APLF: variants seen among roughly 807,000 people sequenced by gnomAD.
APLF encodes aprataxin and PNK-like factor.
APLF carries 61 observed loss-of-function variants against 55.6 expected under a neutral mutation model. The ratio of observed to expected loss-of-function variants is 1.10; its 90% CI spans 0.89 to 1.36. The LOEUF (loss-of-function observed/expected upper bound fraction) is 1.36, where lower values mean the gene tolerates loss of function less well. Among genes scored for constraint, APLF ranks in the 40% most tolerant of loss-of-function variants. The probability of loss-of-function intolerance (pLI) is 0.00; values close to 1 mark genes in which losing one functional copy is unlikely to be tolerated. For missense variants in APLF, 611 were observed against 602.5 expected, an observed-to-expected ratio of 1.01 and a Z score of -0.15; for synonymous variants, 207 against 214.8, an observed-to-expected ratio of 0.96 and a Z score of 0.32.
In APLF at chr2:68,526,256, A is replaced by T; in HGVS notation, c.804+14A>T. ...ATTTCATCCAAGGTGATTTTAAAAA[A>T]TTCATTATTTGATTGTTTTTTTGTT... is the stretch of plus-strand genomic sequence containing the variant. On this transcript the variant is annotated intron_variant, in intron 6 of 9. Transcript: ENST00000303795. 2 of 1,595,300 alleles carry T rather than the reference A, an allele frequency of 1.3e-6. No homozygotes were observed. Among genetic ancestry groups the T allele is most frequent in the Non-Finnish European group, 1.7e-6 (2 of 1,172,498 alleles).
chr2:68,487,334 T>C (rs1676216306), intron 1 of APLF, among the ~76,000 whole-genome samples: 1 of 152,160 alleles, frequency 6.6e-6, no homozygotes, highest in African/African-American at 2.4e-5. Flanking sequence ...TGTAATGATA[T>C]TGAGGGATGC....
intron 1 of APLF, 50 bp downstream of exon 1, chr2:68,467,877 G>T: frequency 3.3e-6 from 4 of 1,212,682 alleles, no homozygotes; most frequent in Non-Finnish European, 4.1e-6. Context: ...GGAGTTCCGC[G>T]CCGGCTCCTG....
chr2:68,551,603 CTTTTTTT>C (rs70954311), intron 8 of APLF, among the ~76,000 whole-genome samples: 8 of 115,758 alleles, frequency 6.9e-5, no homozygotes, highest in Middle Eastern at 5.0e-3. Context: ...TCTTCTTCTT[CTTTTTTT>C]TTTTTTTTTT....
intron 7 of APLF, among the ~76,000 whole-genome samples, chr2:68,538,655 G>A (rs1408015340): frequency 6.6e-6 from 1 of 151,992 alleles, no homozygotes; most frequent in African/African-American, 2.4e-5. Flanking sequence ...AATCATCATG[G>A]TACCCTGTAA....
chr2:68,566,455 T>G (rs548115409), intron 8 of APLF, among the ~76,000 whole-genome samples: 1 of 152,122 alleles, frequency 6.6e-6, no homozygotes, highest in South Asian at 2.1e-4. Context: ...ATTGCCTGCT[T>G]AGAGCCGGAA....
intron 5 of APLF, chr2:68,515,517 T>G: frequency 1.1e-6 from 1 of 903,346 alleles, no homozygotes; most frequent in Non-Finnish European, 1.3e-6. Flanking sequence ...CAACTGCTTC[T>G]GTGCTACTGC....
At chr2:68,474,374 G>C (rs1348532499) in intron 1 of APLF, among the ~76,000 whole-genome samples, 1 of 152,138 alleles carries the variant, frequency 6.6e-6, no homozygotes, top group Non-Finnish European at 1.5e-5. Flanking sequence ...TCTATACCTT[G>C]GTCTTTCCAG....
intron 8 of APLF, among the ~76,000 whole-genome samples, chr2:68,549,146 C>G (rs1390387697): frequency 6.6e-6 from 1 of 151,992 alleles, no homozygotes; most frequent in African/African-American, 2.4e-5. Flanking sequence ...GGCCATGTCT[C>G]TTAACTTATT....
chr2:68,475,842 T>C (rs1249692966), intron 1 of APLF, among the ~76,000 whole-genome samples: 1 of 152,000 alleles, frequency 6.6e-6, no homozygotes. Context: ...GATTTGTAGA[T>C]TTCTTTATAG....
intron 8 of APLF, among the ~76,000 whole-genome samples, chr2:68,547,169 A>C (rs1158888941): frequency 2.0e-5 from 3 of 151,800 alleles, no homozygotes; most frequent in Admixed American, 2.0e-4. Flanking sequence ...GAATAAATAT[A>C]AAAGGCGTAG....
chr2:68,542,834 G>A (rs1670593996), intron 7 of APLF, among the ~76,000 whole-genome samples: 1 of 152,056 alleles, frequency 6.6e-6, no homozygotes, highest in South Asian at 2.1e-4. Flanking sequence ...ATTGAAAGCA[G>A]AATCTCAAAG....
intron 1 of APLF, among the ~76,000 whole-genome samples, chr2:68,487,408 A>C (rs1389928419): frequency 6.6e-6 from 1 of 152,130 alleles, no homozygotes; most frequent in Non-Finnish European, 1.5e-5. Flanking sequence ...TCCTGGCCCT[A>C]CTACTTATTG....
At chr2:68,544,876 A>C (rs951423783) in intron 7 of APLF, among the ~76,000 whole-genome samples, 1 of 152,124 alleles carries the variant, frequency 6.6e-6, no homozygotes, top group East Asian at 1.9e-4. Context: ...TATGATATTT[A>C]TGTTATATGC....
intron 9 of APLF, among the ~76,000 whole-genome samples, chr2:68,574,241 A>G (rs563896739): frequency 1.3e-5 from 2 of 152,208 alleles, no homozygotes; most frequent in Non-Finnish European, 2.9e-5. Flanking sequence ...AGAATTGGAT[A>G]TTTCTCTAAA....
intron 3 of APLF, among the ~76,000 whole-genome samples, chr2:68,508,187 G>T (rs1676932404): frequency 6.6e-6 from 1 of 151,760 alleles, no homozygotes; most frequent in Non-Finnish European, 1.5e-5. Context: ...GAAAAGAGTT[G>T]GAGGGTTCAC....
intron 7 of APLF, among the ~76,000 whole-genome samples, chr2:68,540,173 TC>T (rs1670508348): frequency 6.9e-6 from 1 of 145,854 alleles, no homozygotes; most frequent in Admixed American, 6.8e-5. Flanking sequence ...CCCCCACCCC[TC>T]AACAGGCACC....
At chr2:68,575,278 C>T (rs1227431338) in intron 9 of APLF, among the ~76,000 whole-genome samples, 1 of 152,144 alleles carries the variant, frequency 6.6e-6, no homozygotes, top group Non-Finnish European at 1.5e-5. Context: ...TTTAAAATCC[C>T]TGGTGATGAC....
intron 1 of APLF, among the ~76,000 whole-genome samples, chr2:68,469,819 C>T (rs531744691): frequency 7.2e-5 from 11 of 152,154 alleles, no homozygotes; most frequent in Middle Eastern, 3.4e-3. Context: ...AAATTGGAAT[C>T]GGAAACGATT....
chr2:68,575,140 TG>T (rs1369099412), intron 9 of APLF, among the ~76,000 whole-genome samples: 1 of 150,512 alleles, frequency 6.6e-6, no homozygotes. Context: ...GTACATGGTA[TG>T]GGGAATGCCA....
Sources: allele counts gnomAD v4.1 joint callset (sites outside exome capture counted in the v4.1 genomes callset), GRCh38; gene constraint gnomAD v4.1.1; transcripts MANE v1.5; gene names NCBI Gene and HGNC (gene_info 2026-07-23, HGNC 2026-07-21).